FAM193B: variants seen among roughly 807,000 people sequenced by gnomAD.
FAM193B encodes the protein family with sequence similarity 193 member B, also known as protein FAM193B.
In FAM193B, 27 loss-of-function variants were observed where a neutral mutation model predicts 70.7. The observed-to-expected ratio is 0.38, with a 90% CI of 0.28 to 0.53. The LOEUF (loss-of-function observed/expected upper bound fraction) is 0.53. Among genes scored for constraint, FAM193B ranks in the 20% least tolerant of loss-of-function variants. The pLI is 0.81. For synonymous variants in FAM193B, 448 were observed against 436.0 expected (o/e 1.03, Z -0.34); for missense variants, 1,022 against 1,072.5 (o/e 0.95, Z 0.66).
intron 1 of FAM193B, among the ~76,000 whole-genome samples, chr5:177,540,447 ACT>A (rs1243761750): frequency 6.6e-6 from 1 of 151,974 alleles, no homozygotes; most frequent in Non-Finnish European, 1.5e-5. Context: ...ATCTGCCCCC[ACT>A]CTGACACTGG....
chr5:177,537,784 G>C, intron 3 of FAM193B, 89 bp downstream of exon 3: 2 of 1,464,672 alleles, frequency 1.4e-6, no homozygotes, highest in Non-Finnish European at 1.8e-6. Context: ...TTAGTAACCA[G>C]TCTTATGATT....
intron 5 of FAM193B, among the ~76,000 whole-genome samples, chr5:177,526,657 T>C (rs943961570): frequency 6.6e-6 from 1 of 152,212 alleles, no homozygotes; most frequent in African/African-American, 2.4e-5. Flanking sequence ...GCACTTCCCA[T>C]AGATGTCTCC....
At chr5:177,529,586 G>A (rs1227160694) in intron 5 of FAM193B, among the ~76,000 whole-genome samples, 1 of 152,180 alleles carries the variant, frequency 6.6e-6, no homozygotes, top group Non-Finnish European at 1.5e-5. Context: ...TATGAGGTAG[G>A]TTGGGAGTAC....
intron 5 of FAM193B, chr5:177,531,959 A>G: frequency 1.6e-6 from 2 of 1,280,236 alleles, no homozygotes; most frequent in Non-Finnish European, 2.0e-6. Flanking sequence ...TCACCTTATG[A>G]GACTTCTGCA....
Position 177,532,113 on chromosome 5 carries a change from C to A in FAM193B, c.1275+330G>T, listed in dbSNP as rs2127463334. On this transcript the variant is annotated intron_variant, in intron 5 of 8. Transcript: ENST00000514747. This position sits in a 1 kb window ranked among gnomAD's most constrained non-coding sequence, Gnocchi z 4.9. ...TTTTGCTTCCACTCTGCCTTCATCACTCCCAAGCGTTCACTTCTCTGGGAT... is the reference window on the plus strand; with the variant it reads ...TTTTGCTTCCACTCTGCCTTCATCAATCCCAAGCGTTCACTTCTCTGGGAT... The A allele has an allele frequency of 7.5e-7, 1 of 1,325,952 alleles. No individual in the cohort carries two copies. The highest frequency in any genetic ancestry group is 9.9e-7 in the Non-Finnish European group (1 of 1,013,550). The allele number at this position is 1,325,952 out of a possible 1,614,324, so 82.1% of individuals were successfully genotyped here. A position where few individuals can be genotyped will look rare whatever the true frequency, so the allele number is the denominator to read the frequency against.
intron 4 of FAM193B, among the ~76,000 whole-genome samples, chr5:177,533,999 G>A (rs1310653699): frequency 6.6e-6 from 1 of 152,242 alleles, no homozygotes. Context: ...ATTTGAGCCA[G>A]GAAGAGCTGA....
chr5:177,552,576 C>G (rs1401771611), intron 1 of FAM193B, among the ~76,000 whole-genome samples: 1 of 152,258 alleles, frequency 6.6e-6, no homozygotes, highest in Non-Finnish European at 1.5e-5. Context: ...GAGAAGACAA[C>G]AGCTTTCCAG....
chr5:177,527,876 A>G (rs1473766023), intron 5 of FAM193B, among the ~76,000 whole-genome samples: 1 of 152,236 alleles, frequency 6.6e-6, no homozygotes, highest in African/African-American at 2.4e-5. Context: ...TCGGAGAAAG[A>G]CAACAAGCTG....
intron 5 of FAM193B, among the ~76,000 whole-genome samples, chr5:177,530,089 T>C (rs1168458252): frequency 6.6e-6 from 1 of 152,130 alleles, no homozygotes; most frequent in African/African-American, 2.4e-5. Flanking sequence ...AACGTGTCAC[T>C]GTGCAGATGC....
intron 5 of FAM193B, among the ~76,000 whole-genome samples, chr5:177,528,092 G>A (rs561797201): frequency 5.9e-5 from 9 of 152,312 alleles, no homozygotes; most frequent in African/African-American, 2.2e-4. Context: ...GGACGTCAGA[G>A]GGGCAGGCAA....
intron 5 of FAM193B, among the ~76,000 whole-genome samples, chr5:177,525,836 G>A (rs566538240): frequency 6.6e-6 from 1 of 152,412 alleles, no homozygotes; most frequent in African/African-American, 2.4e-5. Flanking sequence ...GTGAGGCCTG[G>A]AAGGCTCAGA....
intron 4 of FAM193B, 137 bp downstream of exon 4, chr5:177,536,221 T>C: frequency 1.9e-6 from 2 of 1,030,288 alleles, no homozygotes; most frequent in Non-Finnish European, 2.9e-6. Context: ...CCAAAACACA[T>C]ACTTCTTTAC....
At position 177,521,994 on chromosome 5, in the gene FAM193B, G is replaced by A; in HGVS notation, c.2450C>T (p.Thr817Ile). 1 of 1,614,002 alleles carries A rather than the reference G, an allele frequency of 6.2e-7. No homozygotes were observed. Among genetic ancestry groups the A allele is most frequent in the South Asian group, 1.1e-5 (1 of 91,078 alleles). Residue 817 changes from threonine (T) to isoleucine (I), a missense_variant, in exon 8 of 9, where the codon ACT becomes ATT. Physicochemically the swap from Thr to Ile is moderately conservative, Grantham distance 89. Coordinates refer to ENST00000514747, the MANE Select transcript of FAM193B (RefSeq NM_001190946.3). ...NWTNFSLKKTTPSTAQ is the reference protein window; with the variant it reads ...NWTNFSLKKTIPSTAQ ...TGTACCTCACTGAGCTGTGCTAGGA[G>A]TGGTTTTCTTGAGGCTGAAGTTGGT... is the stretch of plus-strand genomic sequence containing the variant.
chr5:177,545,619 C>T (rs335455), intron 1 of FAM193B, among the ~76,000 whole-genome samples: 123,850 of 148,820 alleles, frequency 0.83, 53,507 homozygotes, highest in Non-Finnish European at 0.94. Flanking sequence ...CAAGATTGCA[C>T]CATTGTACTC....
Position 177,519,898 on chromosome 5 carries a change from AAGAG to A in FAM193B, c.*281_*284del, listed in dbSNP as rs895409541. 2.0e-5 allele frequency: 3 copies of A among 152,196 alleles called. No homozygotes were observed. The highest frequency in any genetic ancestry group is 4.4e-5 in the Non-Finnish European group (3 of 68,036). The allele number at this position is 152,196 out of a possible 1,614,324, so 9.4% of individuals were successfully genotyped here. ...AACAAAAACAAAAAAACCAAACACA[AAGAG>A]AGCAGTGTTGGGCCAGCAGTACCAT... On this transcript the variant is annotated 3_prime_UTR_variant, in exon 9 of 9. Transcript: ENST00000514747.
At chr5:177,526,931 T>C (rs1762702688) in intron 5 of FAM193B, among the ~76,000 whole-genome samples, 1 of 152,238 alleles carries the variant, frequency 6.6e-6, no homozygotes. Context: ...TTCAGTCTGC[T>C]GAGGGAGACA....
intron 1 of FAM193B, among the ~76,000 whole-genome samples, chr5:177,545,670 A>AAAG (rs1765341800): frequency 6.6e-6 from 1 of 151,956 alleles, no homozygotes; most frequent in African/African-American, 2.4e-5. Context: ...AAAAAAAAAA[A>AAAG]AAAAAAAGAT....
chr5:177,546,555 C>G (rs2127486277), intron 1 of FAM193B, among the ~76,000 whole-genome samples: 1 of 152,352 alleles, frequency 6.6e-6, no homozygotes, highest in South Asian at 2.1e-4. Context: ...TCACTCTGAG[C>G]CACTGATGAG....
chr5:177,550,587 T>A (rs574543025), intron 1 of FAM193B, among the ~76,000 whole-genome samples: 8 of 152,060 alleles, frequency 5.3e-5, no homozygotes, highest in African/African-American at 1.9e-4. Flanking sequence ...TGGGGAAGGG[T>A]AGGATGAGTT....
Sources: allele counts gnomAD v4.1 joint callset (sites outside exome capture counted in the v4.1 genomes callset), GRCh38; gene constraint gnomAD v4.1.1; non-coding constraint Gnocchi (gnomAD v3.1); transcripts MANE v1.5; gene names NCBI Gene and HGNC (gene_info 2026-07-23, HGNC 2026-07-21).